The following ATG7 variants were observed in gnomAD, a reference collection of about 807,000 sequenced individuals.
ATG7 encodes the protein autophagy related 7.
In ATG7, 70 loss-of-function variants were observed where a neutral mutation model predicts 82.4. The observed-to-expected ratio is 0.85, with a 90% CI of 0.70 to 1.04. The LOEUF is 1.04. Ranked by LOEUF, ATG7 falls within the 50% of genes least tolerant of loss-of-function variation. ATG7 has a pLI of 0.00. For missense variants in ATG7, 792 were observed against 864.3 expected (o/e 0.92, Z 1.05); for synonymous variants, 287 against 313.0 (o/e 0.92, Z 0.88).
chr3:11,305,253 T>C (rs1056443030), intron 5 of ATG7, among the ~76,000 whole-genome samples: 4 of 152,246 alleles, frequency 2.6e-5, no homozygotes, highest in East Asian at 1.9e-4. Flanking sequence ...TGCTTCTCCT[T>C]TGAAGCTTCC....
chr3:11,442,139 A>G (rs2084037376), intron 20 of ATG7, among the ~76,000 whole-genome samples: 1 of 152,188 alleles, frequency 6.6e-6, no homozygotes, highest in Non-Finnish European at 1.5e-5. Context: ...GTGGAAATAC[A>G]ATGTTATCAT....
chr3:11,380,380 A>G (rs2077796632), intron 19 of ATG7, among the ~76,000 whole-genome samples: 1 of 152,188 alleles, frequency 6.6e-6, no homozygotes, highest in Non-Finnish European at 1.5e-5. Flanking sequence ...CAGGACCCTC[A>G]TAGAGCAATT....
chr3:11,418,953 T>C (rs2081666050), intron 19 of ATG7, among the ~76,000 whole-genome samples: 1 of 151,902 alleles, frequency 6.6e-6, no homozygotes, highest in East Asian at 1.9e-4. Flanking sequence ...AAGAACAGCA[T>C]GGGAAACTGC....
chr3:11,371,752 C>A (rs2077010508), intron 18 of ATG7, among the ~76,000 whole-genome samples: 1 of 151,132 alleles, frequency 6.6e-6, no homozygotes, highest in African/African-American at 2.4e-5. Context: ...TACTTAAGTC[C>A]TTAAGGTAGC....
At chr3:11,465,743 C>T (rs929915550) in intron 20 of ATG7, among the ~76,000 whole-genome samples, 2 of 151,792 alleles carry the variant, frequency 1.3e-5, no homozygotes, top group Non-Finnish European at 2.9e-5. Context: ...CCAACCTGGG[C>T]GACAGCGAGA....
intron 19 of ATG7, among the ~76,000 whole-genome samples, chr3:11,385,873 A>C (rs1219961644): frequency 6.6e-6 from 1 of 152,266 alleles, no homozygotes; most frequent in African/African-American, 2.4e-5. Context: ...CCAATTTTCT[A>C]CAAATCGTCC....
the ATG7 span, among the ~76,000 whole-genome samples, chr3:11,564,227 C>T: frequency 6.6e-6 from 1 of 152,198 alleles, no homozygotes. Flanking sequence ...GTTTATTAAG[C>T]AATCATTTAA....
Position 11,488,455 on chromosome 3 carries a change from G to A in ATG7, c.2079+61529G>A, listed in dbSNP as rs374367971. 87 of 1,280,896 alleles carry A rather than the reference G, an allele frequency of 6.8e-5. No homozygotes were observed. The East Asian group carries it at 1.6e-3, about 23-fold the overall frequency. The allele number at this position is 1,280,896 out of a possible 1,614,324, so 79.3% of individuals were successfully genotyped here. On this transcript the variant is annotated intron_variant, in intron 20 of 20. Coordinates refer to ENST00000693202, the MANE Select transcript of ATG7 (RefSeq NM_001349232.2). ...GGCAGCGGCGGCTGCGGTCGGTCGC[G>A]GCAGCGGCTCCGCTTCATATCTGCA...
downstream of ATG7, chr3:11,558,904 C>G: frequency 2.6e-6 from 4 of 1,529,540 alleles, no homozygotes; most frequent in Non-Finnish European, 3.5e-6. Context: ...CACCCTCCCT[C>G]AGGCAGCCCA....
intron 7 of ATG7, among the ~76,000 whole-genome samples, chr3:11,309,647 A>G (rs1479837998): frequency 6.6e-6 from 1 of 152,182 alleles, no homozygotes; most frequent in Admixed American, 6.5e-5. Flanking sequence ...AGGGTCGATT[A>G]TAGAGATACC....
intron 20 of ATG7, chr3:11,477,319 A>T: frequency 8.4e-7 from 1 of 1,188,412 alleles, no homozygotes; most frequent in Non-Finnish European, 1.1e-6. Flanking sequence ...TTTTTGTGCT[A>T]CAAACTCCTG....
chr3:11,424,089 C>G (rs2082162033), intron 19 of ATG7, among the ~76,000 whole-genome samples: 1 of 152,018 alleles, frequency 6.6e-6, no homozygotes. Flanking sequence ...TAGAGCTCCC[C>G]TGCCTCCCGT....
At chr3:11,487,453 CG>C (rs1242470002) in intron 20 of ATG7, among the ~76,000 whole-genome samples, 1 of 64,760 alleles carries the variant, frequency 1.5e-5, no homozygotes, top group Admixed American at 1.3e-4. Flanking sequence ...GGCGGCTGGC[CG>C]GGCGGGGGGC....
intron 20 of ATG7, among the ~76,000 whole-genome samples, chr3:11,490,062 A>T (rs995278571): frequency 6.6e-6 from 1 of 152,034 alleles, no homozygotes; most frequent in African/African-American, 2.4e-5. Flanking sequence ...GATCTGTCTA[A>T]TGTTGACAGT....
At chr3:11,400,920 G>T (rs1353489335) in intron 19 of ATG7, among the ~76,000 whole-genome samples, 3 of 152,156 alleles carry the variant, frequency 2.0e-5, no homozygotes, top group African/African-American at 7.2e-5. Context: ...TTATTAAAGG[G>T]ATTGAGTAAA....
chr3:11,447,418 G>C (rs974469238), intron 20 of ATG7, among the ~76,000 whole-genome samples: 2 of 149,070 alleles, frequency 1.3e-5, no homozygotes, highest in African/African-American at 5.0e-5. Flanking sequence ...AGTGAGCCGA[G>C]ATCACACCAT....
chr3:11,511,325 C>T (rs1257977387), intron 20 of ATG7, among the ~76,000 whole-genome samples: 1 of 152,182 alleles, frequency 6.6e-6, no homozygotes, highest in Non-Finnish European at 1.5e-5. Flanking sequence ...TACAAAGGTT[C>T]TCCATGTTCC....
intron 20 of ATG7, among the ~76,000 whole-genome samples, chr3:11,523,615 T>C (rs1289138407): frequency 1.3e-5 from 2 of 152,212 alleles, no homozygotes; most frequent in Non-Finnish European, 2.9e-5. Context: ...ATTTACGGTG[T>C]TGCTCTGGGC....
chr3:11,549,241 GGTT>G lies in ATG7; in HGVS notation c.2080-5566_2080-5564del, dbSNP rs576937481. On this transcript the variant is annotated intron_variant, in intron 20 of 20. Transcript: ENST00000693202. The stretch of plus-strand genomic sequence containing the variant: ...TGAAGTATGATGTCTTCTGTGTTAG[GGTT>G]GTTTTCTTAAAAACTGTATATATTC... Among the ~76,000 whole-genome samples, 18 of 152,084 alleles carry G rather than the reference GGTT, an allele frequency of 1.2e-4. No individual in the cohort carries two copies. In the South Asian group the frequency reaches 1.7e-3, roughly 14 times the overall value.
Sources: allele counts gnomAD v4.1 joint callset (sites outside exome capture counted in the v4.1 genomes callset), GRCh38; gene constraint gnomAD v4.1.1; transcripts MANE v1.5; gene names NCBI Gene and HGNC (gene_info 2026-07-23, HGNC 2026-07-21).